KATNA1: variants seen among roughly 807,000 people sequenced by gnomAD.
KATNA1 encodes katanin catalytic subunit A1.
A neutral mutation model predicts 62.6 loss-of-function variants in KATNA1; 42 were observed. That is an observed-to-expected ratio of 0.67 (90% CI 0.52 to 0.87). The LOEUF is 0.87. Among genes scored for constraint, KATNA1 ranks in the 40% least tolerant of loss-of-function variants. The pLI is 0.00. For synonymous variants in KATNA1, 186 were observed against 201.9 expected (o/e 0.92, Z 0.67); for missense variants, 498 against 612.5 (o/e 0.81, Z 1.97).
At chr6:149,604,803 A>G (rs1778674032) in intron 4 of KATNA1, 21 bp from the exon 5 acceptor site, 1 of 1,603,696 alleles carries the variant, frequency 6.2e-7, no homozygotes, top group Non-Finnish European at 8.5e-7. Flanking sequence ...AGAAAAAAAC[A>G]AGCGCTTTTG....
intron 1 of KATNA1, among the ~76,000 whole-genome samples, 199 bp downstream of exon 1, chr6:149,648,270 C>A (rs1304974342): frequency 2.0e-5 from 3 of 152,190 alleles, no homozygotes; most frequent in Non-Finnish European, 2.9e-5. Flanking sequence ...CTCCGCCTGA[C>A]AGGATTCCTC....
Position 149,597,490 on chromosome 6 carries a change from G to A in KATNA1, c.1150+17C>T. On this transcript the variant is annotated intron_variant, in intron 9 of 10. Coordinates refer to ENST00000367411, the MANE Select transcript of KATNA1 (RefSeq NM_007044.4). ...TGAAAGTTAACAGGCTTTCTGACAA[G>A]ATTGAAAGGAAGATACCTGACGGCA... 6.2e-7 allele frequency: 1 copy of A among 1,610,292 alleles called. No homozygotes were observed. Among genetic ancestry groups the A allele is most frequent in the Non-Finnish European group, 8.5e-7 (1 of 1,178,916 alleles).
chr6:149,626,317 C>T (rs1485977754), intron 3 of KATNA1, among the ~76,000 whole-genome samples: 2 of 42,886 alleles, frequency 4.7e-5, no homozygotes, highest in Admixed American at 4.4e-4. Context: ...TTTTTTGAGA[C>T]GGAGTCTCGT....
At chr6:149,605,739 T>C (rs367577759) in intron 4 of KATNA1, among the ~76,000 whole-genome samples, 1 of 152,196 alleles carries the variant, frequency 6.6e-6, no homozygotes, top group East Asian at 1.9e-4. Context: ...AAGACTGCTA[T>C]ACTCCTCTTC....
chr6:149,638,401 C>T lies in KATNA1; in HGVS notation c.147G>A (p.Gln49=), dbSNP rs1263743481. The change falls in exon 2 of 11, where the codon CAG becomes CAA. Residue 49 remains glutamine (Q), a synonymous_variant. Coordinates refer to ENST00000367411, the MANE Select transcript of KATNA1 (RefSeq NM_007044.4). ...TTACTCTCACCTGTTGCCATTTCTG[C>T]TGGAGGTATGTATCTTTGACTGAGT... ...YLYSVKDTYL[Q]QKWQQVWQEI... 4 of 1,612,720 alleles carry T rather than the reference C, an allele frequency of 2.5e-6. No homozygotes were observed. The highest frequency in any genetic ancestry group is 2.5e-6 in the Non-Finnish European group (3 of 1,179,668).
chr6:149,620,044 T>A (rs1779332278), intron 4 of KATNA1, among the ~76,000 whole-genome samples: 1 of 152,136 alleles, frequency 6.6e-6, no homozygotes, highest in South Asian at 2.1e-4. Context: ...CATGGCAACA[T>A]GGATGAGTTT....
intron 4 of KATNA1, among the ~76,000 whole-genome samples, chr6:149,610,055 C>T (rs1470587772): frequency 1.6e-4 from 24 of 147,296 alleles, no homozygotes; most frequent in African/African-American, 3.3e-4. Context: ...GCCGAGATCA[C>T]GCCATTGCAC....
chr6:149,633,982 T>A (rs1779958351), intron 2 of KATNA1, among the ~76,000 whole-genome samples: 2 of 148,106 alleles, frequency 1.4e-5, no homozygotes, highest in Non-Finnish European at 3.0e-5. Context: ...ATAAATAAAT[T>A]GCATAACAGG....
chr6:149,598,796 C>T (rs747282848), intron 7 of KATNA1, among the ~76,000 whole-genome samples: 4 of 152,088 alleles, frequency 2.6e-5, no homozygotes, highest in Non-Finnish European at 4.4e-5. Context: ...CTTTCTCTCA[C>T]GCTAATACTG....
At chr6:149,639,385 G>A (rs373939421) in intron 1 of KATNA1, among the ~76,000 whole-genome samples, 7 of 151,768 alleles carry the variant, frequency 4.6e-5, no homozygotes, top group African/African-American at 1.5e-4. Context: ...TGGATCACGA[G>A]GTCAGGAGAT....
chr6:149,627,197 C>T (rs1350647980), intron 3 of KATNA1, among the ~76,000 whole-genome samples: 1 of 150,458 alleles, frequency 6.6e-6, no homozygotes, highest in African/African-American at 2.5e-5. Flanking sequence ...GTTTGAAACC[C>T]GTCTGGCCAA....
rs1156425942 is a variant in KATNA1 at position 149,601,711 on chromosome 6, G to A, written c.771C>T (p.Leu257=). ...ATTCTGTAGCTACTGCTTTAGCAAG[G>A]AGCGTCTTCCCCGTGCCAGGTGGGC... ...MVGPPGTGKT[L]LAKAVATECK... Residue 257 remains leucine (L), a synonymous_variant, in exon 7 of 11, where the codon CTC becomes CTT. Transcript: ENST00000367411. The A allele has an allele frequency of 2.5e-6, 4 of 1,611,154 alleles. No homozygotes were observed. The highest frequency in any genetic ancestry group is 1.7e-5 in the Admixed American group (1 of 59,126).
At chr6:149,615,904 A>G (rs1779151126) in intron 4 of KATNA1, among the ~76,000 whole-genome samples, 2 of 152,226 alleles carry the variant, frequency 1.3e-5, no homozygotes, top group African/African-American at 4.8e-5. Flanking sequence ...TTAAAAGTGC[A>G]AGAATGAAAA....
intron 4 of KATNA1, among the ~76,000 whole-genome samples, chr6:149,616,102 G>A (rs1349475760): frequency 5.9e-5 from 9 of 152,278 alleles, no homozygotes; most frequent in South Asian, 2.1e-4. Context: ...TGAGTACAGA[G>A]TTTCAGCTTT....
chr6:149,607,254 C>T (rs1405868635), intron 4 of KATNA1, among the ~76,000 whole-genome samples: 1 of 152,194 alleles, frequency 6.6e-6, no homozygotes, highest in Non-Finnish European at 1.5e-5. Flanking sequence ...CAAATGCTGA[C>T]ATATTTAATA....
At chr6:149,628,400 T>G (rs1323266389) in intron 3 of KATNA1, among the ~76,000 whole-genome samples, 1 of 150,458 alleles carries the variant, frequency 6.6e-6, no homozygotes, top group Non-Finnish European at 1.5e-5. Flanking sequence ...TGAGCCACCG[T>G]GCCTGGCCTG....
At chr6:149,616,383 T>C (rs916748924) in intron 4 of KATNA1, among the ~76,000 whole-genome samples, 7 of 152,196 alleles carry the variant, frequency 4.6e-5, no homozygotes, top group Non-Finnish European at 1.0e-4. Flanking sequence ...CAAGCATTGA[T>C]GAGGATGTAG....
At chr6:149,633,387 G>A (rs189639130) in intron 2 of KATNA1, among the ~76,000 whole-genome samples, 1 of 152,158 alleles carries the variant, frequency 6.6e-6, no homozygotes, top group East Asian at 1.9e-4. Context: ...GATTACAGGC[G>A]TGAGCCACTG....
At chr6:149,605,425 A>C (rs183702108) in intron 4 of KATNA1, among the ~76,000 whole-genome samples, 1 of 152,338 alleles carries the variant, frequency 6.6e-6, no homozygotes, top group East Asian at 1.9e-4. Context: ...TGGCTTATTT[A>C]GCCAAGACTA....
Sources: allele counts gnomAD v4.1 joint callset (sites outside exome capture counted in the v4.1 genomes callset), GRCh38; gene constraint gnomAD v4.1.1; transcripts MANE v1.5; gene names NCBI Gene and HGNC (gene_info 2026-07-23, HGNC 2026-07-21).